The following LGSN variants were observed in gnomAD, a reference collection of about 807,000 sequenced individuals.
LGSN encodes the protein lengsin.
Under a neutral mutation model 19.5 loss-of-function variants are expected in LGSN, and 21 were observed. That is an observed-to-expected ratio of 1.07 (90% CI 0.76 to 1.55). LGSN has a LOEUF of 1.55. Ranked by LOEUF, LGSN falls within the 40% of genes most tolerant of loss-of-function variation. LGSN has a pLI of 0.00. For synonymous variants in LGSN, 257 were observed against 215.6 expected, an observed-to-expected ratio of 1.19 and a Z score of -1.68; for missense variants, 673 against 608.5, an observed-to-expected ratio of 1.11 and a Z score of -1.12.
chr6:63,561,485 T>C, the LGSN span, among the ~76,000 whole-genome samples: 1 of 152,230 alleles, frequency 6.6e-6, no homozygotes, highest in African/African-American at 2.4e-5. Context: ...TTCATATCTT[T>C]AGACCTTTCT....
chr6:63,460,042 C>T, the LGSN span, among the ~76,000 whole-genome samples: 55 of 149,406 alleles, frequency 3.7e-4, no homozygotes, highest in East Asian at 9.7e-3. Flanking sequence ...CCTTCTGGGC[C>T]TTTTCCACAT....
chr6:63,292,949 G>T (rs1307663456), intron 2 of LGSN, among the ~76,000 whole-genome samples: 2 of 152,118 alleles, frequency 1.3e-5, no homozygotes, highest in East Asian at 1.9e-4. Flanking sequence ...TCCCACTCTG[G>T]TATATTCTCA....
the LGSN span, among the ~76,000 whole-genome samples, chr6:63,348,741 C>CTTTTTTTT: frequency 9.4e-6 from 1 of 106,700 alleles, no homozygotes; most frequent in Admixed American, 9.4e-5. Flanking sequence ...AAGATTTTTA[C>CTTTTTTTT]TTTTTTTTTT....
the LGSN span, among the ~76,000 whole-genome samples, chr6:63,431,179 G>A: frequency 2.0e-5 from 3 of 152,274 alleles, no homozygotes; most frequent in African/African-American, 7.2e-5. Flanking sequence ...ATAATCAGAA[G>A]TTGAGAGACA....
the LGSN span, among the ~76,000 whole-genome samples, chr6:63,376,372 A>C: frequency 2.0e-5 from 3 of 152,232 alleles, no homozygotes; most frequent in Admixed American, 2.0e-4. Flanking sequence ...AAACATCAAA[A>C]TTATACCCTT....
At chr6:63,406,679 G>A in the LGSN span, among the ~76,000 whole-genome samples, 1 of 151,954 alleles carries the variant, frequency 6.6e-6, no homozygotes. Context: ...ACTAAAATCA[G>A]AGCATAACTG....
At chr6:63,362,237 G>A in the LGSN span, among the ~76,000 whole-genome samples, 1 of 152,238 alleles carries the variant, frequency 6.6e-6, no homozygotes, top group Non-Finnish European at 1.5e-5. Context: ...AAACCAGTAA[G>A]AGGAGATGCC....
intron 2 of LGSN, among the ~76,000 whole-genome samples, chr6:63,287,690 A>G (rs554066221): frequency 1.3e-5 from 2 of 152,194 alleles, no homozygotes; most frequent in East Asian, 3.9e-4. Flanking sequence ...CCTATGCAAC[A>G]AAGAGGGACT....
chr6:63,555,157 T>C, the LGSN span, among the ~76,000 whole-genome samples: 1 of 152,154 alleles, frequency 6.6e-6, no homozygotes, highest in Non-Finnish European at 1.5e-5. Flanking sequence ...AACTGACCCT[T>C]TCTTCTTCAA....
chr6:63,386,578 C>T, the LGSN span, among the ~76,000 whole-genome samples: 1 of 152,014 alleles, frequency 6.6e-6, no homozygotes, highest in East Asian at 1.9e-4. Flanking sequence ...ACCAGTTAAC[C>T]TAAATGTCAT....
At chr6:63,506,121 A>G in the LGSN span, among the ~76,000 whole-genome samples, 4 of 152,228 alleles carry the variant, frequency 2.6e-5, no homozygotes, top group African/African-American at 7.2e-5. Context: ...GGTTTTTGAC[A>G]TAGTGAATGG....
chr6:63,523,070 T>C, the LGSN span, among the ~76,000 whole-genome samples: 1 of 151,896 alleles, frequency 6.6e-6, no homozygotes, highest in Non-Finnish European at 1.5e-5. Context: ...TCACCTTTTT[T>C]GGCCAGGCTG....
intron 2 of LGSN, among the ~76,000 whole-genome samples, chr6:63,286,122 T>C (rs2127383771): frequency 6.6e-6 from 1 of 152,356 alleles, no homozygotes; most frequent in South Asian, 2.1e-4. Flanking sequence ...TGTAGGTGAC[T>C]ATTATTAAAC....
chr6:63,384,489 T>TGTGTGTGTG, the LGSN span, among the ~76,000 whole-genome samples: 2 of 131,504 alleles, frequency 1.5e-5, no homozygotes, highest in African/African-American at 2.9e-5. Flanking sequence ...AAATAACACC[T>TGTGTGTGTG]TGTGTGTGTG....
chr6:63,519,558 C>T, the LGSN span, among the ~76,000 whole-genome samples: 6 of 152,154 alleles, frequency 3.9e-5, no homozygotes, highest in Non-Finnish European at 8.8e-5. Flanking sequence ...GGTAAAGACA[C>T]CACATATGCC....
chr6:63,366,226 G>C, the LGSN span, among the ~76,000 whole-genome samples: 5 of 152,192 alleles, frequency 3.3e-5, no homozygotes, highest in Non-Finnish European at 7.3e-5. Context: ...AAGCTGATAA[G>C]CAACTTCAGC....
the LGSN span, among the ~76,000 whole-genome samples, chr6:63,547,120 A>G: frequency 6.6e-6 from 1 of 152,050 alleles, no homozygotes; most frequent in Admixed American, 6.6e-5. Flanking sequence ...CTCAGATATA[A>G]TAAGATTAAT....
At chr6:63,479,965 G>A in the LGSN span, among the ~76,000 whole-genome samples, 1 of 152,148 alleles carries the variant, frequency 6.6e-6, no homozygotes, top group Non-Finnish European at 1.5e-5. Flanking sequence ...AAGCAAAACT[G>A]TGCCTTCATG....
chr6:63,476,939 C>A, the LGSN span, among the ~76,000 whole-genome samples: 1 of 152,174 alleles, frequency 6.6e-6, no homozygotes, highest in African/African-American at 2.4e-5. Flanking sequence ...TTACTCTTCC[C>A]ATCTAAATTT....
Sources: allele counts gnomAD v4.1 joint callset (sites outside exome capture counted in the v4.1 genomes callset), GRCh38; gene constraint gnomAD v4.1.1; transcripts MANE v1.5; gene names NCBI Gene and HGNC (gene_info 2026-07-23, HGNC 2026-07-21).